Variants in PDE4D observed in about 807,000 individuals in gnomAD.
PDE4D encodes 3',5'-cyclic-AMP phosphodiesterase 4D.
PDE4D carries 24 observed loss-of-function variants against 87.4 expected under a neutral mutation model. The observed-to-expected ratio is 0.27, with a 90% CI of 0.20 to 0.39. The LOEUF is 0.39. PDE4D is among the 10% of genes least tolerant of loss of function. The pLI is 1.00. For missense variants in PDE4D, 714 were observed against 1,041.0 expected, an observed-to-expected ratio of 0.69 and a Z score of 4.32; for synonymous variants, 384 against 383.2, an observed-to-expected ratio of 1.00 and a Z score of -0.02.
chr5:59,611,262 G>A (rs368451786), intron 1 of PDE4D, among the ~76,000 whole-genome samples: 43 of 152,094 alleles, frequency 2.8e-4, no homozygotes, highest in African/African-American at 9.9e-4. Flanking sequence ...AAGGCTCAAG[G>A]GGAAAAGGAT....
intron 1 of PDE4D, among the ~76,000 whole-genome samples, chr5:59,687,751 C>A (rs923175579): frequency 6.6e-6 from 1 of 152,044 alleles, no homozygotes; most frequent in African/African-American, 2.4e-5. Context: ...GCTAAATGCT[C>A]CAATTAAAAG....
At chr5:59,375,458 G>C (rs1480513281) in intron 1 of PDE4D, among the ~76,000 whole-genome samples, 1 of 151,954 alleles carries the variant, frequency 6.6e-6, no homozygotes, top group East Asian at 1.9e-4. Context: ...TAAATTCCTG[G>C]ACATACATAC....
At chr5:59,228,114 G>T (rs1754238589) in intron 1 of PDE4D, among the ~76,000 whole-genome samples, 1 of 152,106 alleles carries the variant, frequency 6.6e-6, no homozygotes, top group Admixed American at 6.5e-5. Flanking sequence ...AACATGGATG[G>T]AGCTACAGGC....
At chr5:59,886,251 C>A (rs1750127816) in intron 1 of PDE4D, among the ~76,000 whole-genome samples, 1 of 152,042 alleles carries the variant, frequency 6.6e-6, no homozygotes, top group Non-Finnish European at 1.5e-5. Flanking sequence ...TGGGAAAGCC[C>A]AGAAAAGAAA....
intron 1 of PDE4D, among the ~76,000 whole-genome samples, chr5:59,470,134 G>A (rs929428988): frequency 6.6e-6 from 1 of 152,224 alleles, no homozygotes; most frequent in East Asian, 1.9e-4. Flanking sequence ...ATGCTAGAAG[G>A]TGTGGGTCTG....
intron 1 of PDE4D, among the ~76,000 whole-genome samples, chr5:59,850,555 T>G (rs1744522932): frequency 6.6e-6 from 1 of 151,984 alleles, no homozygotes; most frequent in Non-Finnish European, 1.5e-5. Flanking sequence ...CATAGAGACG[T>G]GAAATTGCTT....
chr5:59,244,618 A>T (rs983485011), intron 1 of PDE4D, among the ~76,000 whole-genome samples: 1 of 149,288 alleles, frequency 6.7e-6, no homozygotes, highest in Non-Finnish European at 1.5e-5. Flanking sequence ...ATACACATAC[A>T]TGTATGTACA....
intron 1 of PDE4D, among the ~76,000 whole-genome samples, chr5:59,428,578 G>T (rs979853467): frequency 1.3e-5 from 2 of 152,074 alleles, no homozygotes; most frequent in African/African-American, 2.4e-5. Context: ...AACTTAGGTA[G>T]ATTTTAGTGA....
At chr5:60,145,454 A>G (rs1582857209) in intron 2 of PDE4D, among the ~76,000 whole-genome samples, 1 of 152,372 alleles carries the variant, frequency 6.6e-6, no homozygotes, top group Admixed American at 6.5e-5. Context: ...CTTAAGAGTC[A>G]TCTTAACATT....
rs535915724 is a variant in PDE4D at position 60,013,515 on chromosome 5, G to A, written c.43-24798C>T. Among the ~76,000 whole-genome samples the A allele has an allele frequency of 5.3e-5, 8 of 152,232 alleles. No individual in the cohort carries two copies. The South Asian group carries it at 1.5e-3, about 28-fold the overall frequency. On this transcript the variant is annotated intron_variant, in intron 2 of 16. Coordinates refer to the PDE4D transcript ENST00000502484. The stretch of plus-strand genomic sequence containing the variant: ...GTACAGTTGTCACAAAGATCTAGTA[G>A]CATCTGTGTCATGTTTTCTATTTTA...
chr5:58,982,748 T>TCCTGCCACCTCCATC (rs1243600577), intron 11 of PDE4D, among the ~76,000 whole-genome samples: 2 of 152,138 alleles, frequency 1.3e-5, no homozygotes, highest in African/African-American at 4.8e-5. Context: ...TCTAAGCACA[T>TCCTGCCACCTCCATC]CCTGCCACCT....
chr5:59,543,279 A>G (rs1362465913), intron 1 of PDE4D, among the ~76,000 whole-genome samples: 1 of 152,182 alleles, frequency 6.6e-6, no homozygotes, highest in Non-Finnish European at 1.5e-5. Flanking sequence ...AGCCTGTTTT[A>G]GCCACACTTT....
intron 2 of PDE4D, among the ~76,000 whole-genome samples, chr5:60,076,375 G>A (rs1346113218): frequency 6.6e-6 from 1 of 152,120 alleles, no homozygotes; most frequent in East Asian, 1.9e-4. Flanking sequence ...GGCCAGGGTG[G>A]TCTTGATATC....
chr5:59,131,688 C>G (rs538987231), intron 5 of PDE4D, among the ~76,000 whole-genome samples: 13 of 145,436 alleles, frequency 8.9e-5, no homozygotes, highest in African/African-American at 3.3e-4. Flanking sequence ...GATGACTGCC[C>G]TTTTTGTCCT....
intron 1 of PDE4D, among the ~76,000 whole-genome samples, chr5:59,284,272 T>C (rs569861519): frequency 6.6e-6 from 1 of 152,116 alleles, no homozygotes; most frequent in African/African-American, 2.4e-5. Flanking sequence ...CTCTCTTCAT[T>C]TGGTTAACTA....
chr5:59,852,824 T>TAA (rs571138500), intron 1 of PDE4D, among the ~76,000 whole-genome samples: 7 of 141,912 alleles, frequency 4.9e-5, no homozygotes, highest in African/African-American at 1.8e-4. Flanking sequence ...GAGACAGGAA[T>TAA]AAAAAAAAAA....
At chr5:58,999,678 T>G in intron 6 of PDE4D, 5 of 1,109,908 alleles carry the variant, frequency 4.5e-6, no homozygotes, top group Non-Finnish European at 4.4e-6. Flanking sequence ...GGTAATTAAG[T>G]ATACATAAGA....
intron 1 of PDE4D, among the ~76,000 whole-genome samples, chr5:59,646,891 T>G (rs1742540955): frequency 6.6e-6 from 1 of 151,988 alleles, no homozygotes; most frequent in African/African-American, 2.4e-5. Flanking sequence ...AAAAATTAGC[T>G]GATCATGGTG....
chr5:59,023,489 A>C (rs1327956500), intron 6 of PDE4D, among the ~76,000 whole-genome samples: 1 of 150,958 alleles, frequency 6.6e-6, no homozygotes, highest in African/African-American at 2.4e-5. Flanking sequence ...AAAAAAGTTA[A>C]ATTAAATTAA....
Sources: gnomAD v4.1 joint callset for allele counts (sites outside exome capture counted in the v4.1 genomes callset) on GRCh38, gnomAD v4.1.1 for gene constraint, MANE v1.5 for transcripts, NCBI Gene and HGNC (gene_info 2026-07-23, HGNC 2026-07-21) for gene names.